The following ANO10 variants were observed in gnomAD, a reference collection of about 807,000 sequenced individuals.
ANO10 encodes the protein anoctamin-10.
In ANO10, 77 loss-of-function variants were observed where a neutral mutation model predicts 74.7. The ratio of observed to expected loss-of-function variants is 1.03; its 90% CI spans 0.86 to 1.25. The LOEUF (loss-of-function observed/expected upper bound fraction) is 1.25. ANO10 is among the 50% of genes most tolerant of loss of function. ANO10 has a pLI of 0.00. For synonymous variants in ANO10, 279 were observed against 284.9 expected, an observed-to-expected ratio of 0.98 and a Z score of 0.21; for missense variants, 721 against 778.1, an observed-to-expected ratio of 0.93 and a Z score of 0.87.
At chr3:43,566,514 G>C (rs1018370689) in intron 7 of ANO10, among the ~76,000 whole-genome samples, 1 of 151,808 alleles carries the variant, frequency 6.6e-6, no homozygotes, top group South Asian at 2.1e-4. Flanking sequence ...GCCTCTTCAA[G>C]TGGGTCCCTG....
chr3:43,519,929 C>T (rs1468694184), intron 11 of ANO10, among the ~76,000 whole-genome samples: 21 of 152,116 alleles, frequency 1.4e-4, no homozygotes. Flanking sequence ...TAATACAGGA[C>T]AGAATTTCAG....
chr3:43,642,668 C>A (rs1005527790), intron 1 of ANO10, among the ~76,000 whole-genome samples: 1 of 152,162 alleles, frequency 6.6e-6, no homozygotes, highest in Non-Finnish European at 1.5e-5. Context: ...TCTCCCTTCA[C>A]TTCATTCCCC....
intron 8 of ANO10, among the ~76,000 whole-genome samples, chr3:43,563,413 G>T (rs892265530): frequency 2.2e-4 from 27 of 122,190 alleles, no homozygotes; most frequent in African/African-American, 8.0e-4. Flanking sequence ...AGAGTATGGC[G>T]AGAGGTTTTT....
At chr3:43,394,883 C>G (rs2092348775) in intron 12 of ANO10, among the ~76,000 whole-genome samples, 1 of 152,126 alleles carries the variant, frequency 6.6e-6, no homozygotes, top group Admixed American at 6.6e-5. Context: ...GGCTCCAAAC[C>G]ACTTTTCTTC....
intron 7 of ANO10, among the ~76,000 whole-genome samples, chr3:43,568,788 G>A (rs1339854873): frequency 7.0e-6 from 1 of 143,504 alleles, no homozygotes; most frequent in Admixed American, 6.9e-5. Flanking sequence ...AGAAAAGCAA[G>A]AGCAAACACA....
At chr3:43,611,540 C>A (rs773862930) in intron 1 of ANO10, among the ~76,000 whole-genome samples, 7 of 152,132 alleles carry the variant, frequency 4.6e-5, no homozygotes, top group Non-Finnish European at 7.4e-5. Flanking sequence ...AATTCAAATT[C>A]AATTCATGAC....
intron 11 of ANO10, among the ~76,000 whole-genome samples, chr3:43,446,814 T>C (rs963278534): frequency 1.3e-5 from 2 of 152,224 alleles, no homozygotes; most frequent in African/African-American, 2.4e-5. Context: ...ATTCTGAATT[T>C]ATTATTAAAA....
chr3:43,497,374 C>CA (rs2076953934), intron 11 of ANO10, among the ~76,000 whole-genome samples: 1 of 152,226 alleles, frequency 6.6e-6, no homozygotes, highest in Non-Finnish European at 1.5e-5. Context: ...CCCCTAGTCA[C>CA]ATAACCCTGT....
intron 12 of ANO10, among the ~76,000 whole-genome samples, chr3:43,411,369 T>A (rs529664839): frequency 6.6e-6 from 1 of 152,284 alleles, no homozygotes; most frequent in East Asian, 1.9e-4. Context: ...CAAAAGCAGA[T>A]CATCTGATTT....
intron 1 of ANO10, among the ~76,000 whole-genome samples, chr3:43,643,154 C>A (rs2083688222): frequency 6.6e-6 from 1 of 151,688 alleles, no homozygotes; most frequent in South Asian, 2.1e-4. Flanking sequence ...AACTCAGCCT[C>A]CCGAGTAGCT....
intron 11 of ANO10, among the ~76,000 whole-genome samples, chr3:43,455,119 G>A (rs955644192): frequency 1.1e-4 from 16 of 152,074 alleles, no homozygotes; most frequent in African/African-American, 3.6e-4. Flanking sequence ...TGTAGCTGGC[G>A]GGAGTTTTCA....
At chr3:43,455,096 T>C (rs1176417842) in intron 11 of ANO10, among the ~76,000 whole-genome samples, 1 of 151,954 alleles carries the variant, frequency 6.6e-6, no homozygotes, top group Non-Finnish European at 1.5e-5. Context: ...TGGGCACAAA[T>C]GCATGCAAGT....
intron 12 of ANO10, among the ~76,000 whole-genome samples, chr3:43,427,646 T>C (rs1475515956): frequency 6.6e-6 from 1 of 152,204 alleles, no homozygotes; most frequent in Non-Finnish European, 1.5e-5. Flanking sequence ...TCCCACAAAC[T>C]GACCAGGTTA....
intron 11 of ANO10, among the ~76,000 whole-genome samples, chr3:43,496,278 C>T (rs2076911142): frequency 6.6e-6 from 1 of 152,006 alleles, no homozygotes. Flanking sequence ...TATTCTGTAG[C>T]CATTACAAAG....
At chr3:43,613,367 C>T (rs1460517282) in intron 1 of ANO10, among the ~76,000 whole-genome samples, 2 of 151,988 alleles carry the variant, frequency 1.3e-5, no homozygotes, top group Non-Finnish European at 2.9e-5. Flanking sequence ...CAATGGGGGA[C>T]ACATGTTCTA....
intron 12 of ANO10, chr3:43,372,911 G>C: frequency 6.8e-7 from 1 of 1,477,442 alleles, no homozygotes; most frequent in Non-Finnish European, 9.1e-7. Context: ...CGATGAACTT[G>C]TGAAGCCTCT....
chr3:43,468,619 G>T (rs1329927713), intron 11 of ANO10, among the ~76,000 whole-genome samples: 1 of 152,146 alleles, frequency 6.6e-6, no homozygotes, highest in African/African-American at 2.4e-5. Flanking sequence ...ATGCATCCAG[G>T]CTTCAAACTA....
rs747153209 is a variant in ANO10 at position 43,366,963 on chromosome 3, G to A, written c.1926C>T (p.Leu642=). 20 of 1,601,138 alleles carry A rather than the reference G, an allele frequency of 1.2e-5. No homozygotes were observed. The East Asian group carries it at 2.7e-4, about 22-fold the overall frequency. ...GTTCCTCCTTCAGGTTCTCGGTCAC[G>A]AGCTTCATTTGCTGTTAAGAGAAAA... ...LEALKQQQMK[L]VTENLKEEPM... is the part of the protein sequence containing the mutation. The change falls in exon 13 of 13, where the codon CTC becomes CTT. Residue 642 remains leucine (L), a synonymous_variant. Coordinates refer to ENST00000292246, the MANE Select transcript of ANO10 (RefSeq NM_018075.5).
intron 4 of ANO10, among the ~76,000 whole-genome samples, chr3:43,588,235 T>C (rs1381607978): frequency 6.6e-6 from 1 of 152,052 alleles, no homozygotes; most frequent in Non-Finnish European, 1.5e-5. Flanking sequence ...ATAAAGCAAA[T>C]TAGTAATTAC....
Sources: gnomAD v4.1 joint callset for allele counts (sites outside exome capture counted in the v4.1 genomes callset) on GRCh38, gnomAD v4.1.1 for gene constraint, MANE v1.5 for transcripts, NCBI Gene and HGNC (gene_info 2026-07-23, HGNC 2026-07-21) for gene names.